Variants in DPYSL3 observed in about 807,000 individuals in gnomAD.
DPYSL3 encodes the protein dihydropyrimidinase-related protein 3.
Under a neutral mutation model 66.1 loss-of-function variants are expected in DPYSL3, and 16 were observed. The observed-to-expected ratio is 0.24, with a 90% CI of 0.16 to 0.37. The LOEUF (loss-of-function observed/expected upper bound fraction) is 0.37. Ranked by LOEUF, DPYSL3 falls within the 10% of genes least tolerant of loss-of-function variation. DPYSL3 has a pLI of 1.00. For synonymous variants in DPYSL3, 338 were observed against 345.1 expected, an observed-to-expected ratio of 0.98 and a Z score of 0.23; for missense variants, 738 against 916.2, an observed-to-expected ratio of 0.81 and a Z score of 2.51.
chr5:147,453,983 CTT>C (rs77634681), intron 1 of DPYSL3: 101 of 164,020 alleles, frequency 6.2e-4, no homozygotes, highest in Middle Eastern at 5.2e-3. Context: ...CTTTTTCTTT[CTT>C]TTTTTTTTTT....
intron 1 of DPYSL3, among the ~76,000 whole-genome samples, chr5:147,433,860 C>T (rs931370098): frequency 6.6e-6 from 1 of 151,968 alleles, no homozygotes; most frequent in Non-Finnish European, 1.5e-5. Flanking sequence ...GGTGAAACCC[C>T]GTCTCTACTA....
intron 1 of DPYSL3, among the ~76,000 whole-genome samples, chr5:147,499,382 C>T (rs1053864192): frequency 6.6e-6 from 1 of 152,054 alleles, no homozygotes; most frequent in Non-Finnish European, 1.5e-5. Context: ...GAAATTAAAA[C>T]ATATAACCAT....
rs182575766 is a variant in DPYSL3, at chr5:147,501,112, A to G, written c.381+8366T>C. Among the ~76,000 whole-genome samples, 119 of 152,342 alleles carry G rather than the reference A, an allele frequency of 7.8e-4. 1 individual carries two copies. The highest frequency in any genetic ancestry group is 2.7e-3 in the African/African-American group (114 of 41,578). ...TAAGTGAATAAATAAACGGCCGCAC[A>G]TCCAAATATTCAGCAAGAAAAAGAA... is the stretch of plus-strand genomic sequence containing the variant. On this transcript the variant is annotated intron_variant, in intron 1 of 13. Coordinates refer to ENST00000343218, the MANE Select transcript of DPYSL3 (RefSeq NM_001197294.2).
chr5:147,497,662 T>C (rs926509072), intron 1 of DPYSL3, among the ~76,000 whole-genome samples: 4 of 151,350 alleles, frequency 2.6e-5, no homozygotes, highest in African/African-American at 9.7e-5. Flanking sequence ...GTCATATCAA[T>C]AGATACTGAA....
chr5:147,440,227 T>C (rs1752507909), intron 1 of DPYSL3, among the ~76,000 whole-genome samples: 1 of 152,108 alleles, frequency 6.6e-6, no homozygotes, highest in Admixed American at 6.5e-5. Flanking sequence ...GGCATGAACC[T>C]GGGAGGCGGA....
intron 1 of DPYSL3, among the ~76,000 whole-genome samples, chr5:147,467,092 T>C (rs1561798115): frequency 6.6e-6 from 1 of 152,100 alleles, no homozygotes; most frequent in Non-Finnish European, 1.5e-5. Context: ...AGTGGAGTAC[T>C]TAGATAGTTT....
intron 1 of DPYSL3, among the ~76,000 whole-genome samples, chr5:147,464,405 G>C (rs1352143483): frequency 1.3e-5 from 2 of 152,132 alleles, no homozygotes; most frequent in Non-Finnish European, 2.9e-5. Context: ...TTTCCACCAG[G>C]GGGCATAGCA....
In DPYSL3 at chr5:147,492,769, G is replaced by A. The variant is rs547199581; in HGVS notation, c.381+16709C>T. On this transcript the variant is annotated intron_variant, in intron 1 of 13. Transcript: ENST00000343218. ...AGAAAAATTATAGAAGACAAAAGTAGGAACAAAAACAAGGACAACAAATAG... is the reference window on the plus strand; with the variant it reads ...AGAAAAATTATAGAAGACAAAAGTAAGAACAAAAACAAGGACAACAAATAG... Among the ~76,000 whole-genome samples the A allele has an allele frequency of 1.1e-4, 17 of 151,412 alleles. No individual in the cohort carries two copies. The South Asian group carries it at 1.9e-3, about 17-fold the overall frequency.
At chr5:147,401,369 T>C (rs1561772766) in intron 9 of DPYSL3, among the ~76,000 whole-genome samples, 171 bp downstream of exon 9, 1 of 152,210 alleles carries the variant, frequency 6.6e-6, no homozygotes, top group Non-Finnish European at 1.5e-5. Flanking sequence ...TAAAACAGGA[T>C]GGGGAAGAGC....
At chr5:147,456,520 C>A (rs529324899) in intron 1 of DPYSL3, among the ~76,000 whole-genome samples, 10 of 151,252 alleles carry the variant, frequency 6.6e-5, no homozygotes, top group African/African-American at 1.9e-4. Flanking sequence ...TCCTTGATTT[C>A]TCTCCTTCAA....
intron 1 of DPYSL3, among the ~76,000 whole-genome samples, chr5:147,508,019 A>C (rs1039089911): frequency 5.9e-5 from 9 of 152,188 alleles, no homozygotes; most frequent in African/African-American, 2.2e-4. Flanking sequence ...GAAAGGAATA[A>C]CCTTTCTATA....
chr5:147,502,214 C>A (rs934442938), intron 1 of DPYSL3, among the ~76,000 whole-genome samples: 3 of 152,044 alleles, frequency 2.0e-5, no homozygotes, highest in Non-Finnish European at 4.4e-5. Flanking sequence ...CATGAGGGCA[C>A]CACGCTCATG....
At chr5:147,438,322 CA>C (rs1242269054) in intron 1 of DPYSL3, among the ~76,000 whole-genome samples, 3 of 152,160 alleles carry the variant, frequency 2.0e-5, no homozygotes, top group Non-Finnish European at 2.9e-5. Context: ...ACAAGGACTT[CA>C]AGAGGTCAGG....
chr5:147,503,179 T>C (rs1753639830), intron 1 of DPYSL3, among the ~76,000 whole-genome samples: 1 of 152,176 alleles, frequency 6.6e-6, no homozygotes, highest in South Asian at 2.1e-4. Flanking sequence ...ACCATAGACT[T>C]CCAAGCACTC....
chr5:147,462,774 T>C (rs903754891), intron 1 of DPYSL3, among the ~76,000 whole-genome samples: 1 of 152,102 alleles, frequency 6.6e-6, no homozygotes, highest in Non-Finnish European at 1.5e-5. Context: ...TATGATTCAA[T>C]GACTCCTATG....
chr5:147,500,613 C>CA (rs755104191), intron 1 of DPYSL3, among the ~76,000 whole-genome samples: 4,041 of 56,740 alleles, frequency 0.071, 106 homozygotes, highest in East Asian at 0.17. Flanking sequence ...GACTCCATCT[C>CA]AAAAAAAAAA....
intron 11 of DPYSL3, among the ~76,000 whole-genome samples, chr5:147,398,249 C>T (rs973016346): frequency 6.6e-6 from 1 of 152,120 alleles, no homozygotes; most frequent in African/African-American, 2.4e-5. Context: ...AAGCAAAGGC[C>T]ATTGCCACCA....
intron 1 of DPYSL3, among the ~76,000 whole-genome samples, chr5:147,468,895 A>G (rs1038597421): frequency 2.0e-5 from 3 of 152,208 alleles, no homozygotes; most frequent in African/African-American, 7.2e-5. Flanking sequence ...TAAAAAGATG[A>G]TAAGAGCCAA....
intron 1 of DPYSL3, among the ~76,000 whole-genome samples, chr5:147,467,688 T>C (rs181126051): frequency 1.9e-3 from 296 of 152,314 alleles, no homozygotes; most frequent in African/African-American, 6.8e-3. Flanking sequence ...GCAAAAGAGA[T>C]GAATAATTTT....
Sources: gnomAD v4.1 joint callset for allele counts (sites outside exome capture counted in the v4.1 genomes callset) on GRCh38, gnomAD v4.1.1 for gene constraint, MANE v1.5 for transcripts, NCBI Gene and HGNC (gene_info 2026-07-23, HGNC 2026-07-21) for gene names.